Variants in COL4A2 observed in about 807,000 individuals in gnomAD.
COL4A2 encodes the protein collagen alpha-2(IV) chain.
Under a neutral mutation model 200.2 loss-of-function variants are expected in COL4A2, and 99 were observed. The ratio of observed to expected loss-of-function variants is 0.49; its 90% CI spans 0.42 to 0.58. The LOEUF (loss-of-function observed/expected upper bound fraction) is 0.58, where lower values mean the gene tolerates loss of function less well. Among genes scored for constraint, COL4A2 ranks in the 20% least tolerant of loss-of-function variants. The probability of loss-of-function intolerance (pLI) is 0.00; values close to 1 mark genes in which losing one functional copy is unlikely to be tolerated. For synonymous variants in COL4A2, 897 were observed against 900.6 expected, an observed-to-expected ratio of 1.00 and a Z score of 0.07; for missense variants, 1,950 against 2,314.1, an observed-to-expected ratio of 0.84 and a Z score of 3.23.
intron 27 of COL4A2, among the ~76,000 whole-genome samples, 189 bp from the exon 28 acceptor site, chr13:110,469,028 T>G (rs562826107): frequency 6.6e-6 from 1 of 152,308 alleles, no homozygotes; most frequent in African/African-American, 2.4e-5. Context: ...ATGGTTCCAG[T>G]CCGTAAACAG....
chr13:110,395,267 T>C (rs1207423556), intron 4 of COL4A2, among the ~76,000 whole-genome samples: 3 of 152,190 alleles, frequency 2.0e-5, no homozygotes, highest in Non-Finnish European at 4.4e-5. Flanking sequence ...CCTTCAACAT[T>C]AGAACAAGTC....
intron 3 of COL4A2, among the ~76,000 whole-genome samples, chr13:110,312,438 A>G (rs554916053): frequency 6.6e-6 from 1 of 152,370 alleles, no homozygotes; most frequent in South Asian, 2.1e-4. Context: ...ACTGTGTTTA[A>G]TTGTGTTTCT....
chr13:110,427,962 C>T (rs1880530829), intron 6 of COL4A2, among the ~76,000 whole-genome samples: 1 of 152,210 alleles, frequency 6.6e-6, no homozygotes, highest in Non-Finnish European at 1.5e-5. Flanking sequence ...GTGAAACTCA[C>T]TATCTAAAAT....
intron 14 of COL4A2, among the ~76,000 whole-genome samples, chr13:110,438,384 G>A (rs1880981398): frequency 1.3e-5 from 2 of 152,206 alleles, no homozygotes; most frequent in South Asian, 4.1e-4. Context: ...CTCCCTCGCG[G>A]TCGCTTACCA....
intron 3 of COL4A2, among the ~76,000 whole-genome samples, chr13:110,331,966 A>G (rs538961600): frequency 2.3e-4 from 35 of 152,302 alleles, no homozygotes; most frequent in Middle Eastern, 3.4e-3. Context: ...ATGATGTCCA[A>G]TAAGCTGATG....
chr13:110,363,113 C>CA (rs1407469042), intron 4 of COL4A2, among the ~76,000 whole-genome samples: 1 of 152,190 alleles, frequency 6.6e-6, no homozygotes, highest in East Asian at 1.9e-4. Flanking sequence ...GGCCCTGTCA[C>CA]ACGACAACAG....
intron 4 of COL4A2, among the ~76,000 whole-genome samples, chr13:110,400,839 G>A (rs1368713807): frequency 6.6e-6 from 1 of 152,080 alleles, no homozygotes; most frequent in African/African-American, 2.4e-5. Flanking sequence ...GACTACTTTG[G>A]CCAGCCTTCT....
intron 30 of COL4A2, among the ~76,000 whole-genome samples, chr13:110,479,397 G>A (rs1408704278): frequency 6.6e-6 from 1 of 151,576 alleles, no homozygotes; most frequent in Non-Finnish European, 1.5e-5. Context: ...TGGTGCCAGC[G>A]GGGAGAAGGC....
chr13:110,401,580 A>G (rs1002176951), intron 4 of COL4A2, among the ~76,000 whole-genome samples: 1 of 152,244 alleles, frequency 6.6e-6, no homozygotes, highest in African/African-American at 2.4e-5. Flanking sequence ...GCTTGATATC[A>G]TTAGAAACTG....
chr13:110,443,310 A>G (rs973891683), intron 16 of COL4A2, among the ~76,000 whole-genome samples: 6 of 152,228 alleles, frequency 3.9e-5, no homozygotes, highest in African/African-American at 1.4e-4. Flanking sequence ...AAGAACAGAA[A>G]GATAACAGGC....
In COL4A2 at chr13:110,484,919, C is replaced by A; in HGVS notation, c.2917C>A (p.Pro973Thr). The A allele has an allele frequency of 6.2e-6, 10 of 1,611,520 alleles. No individual in the cohort carries two copies. Among genetic ancestry groups the A allele is most frequent in the Non-Finnish European group, 8.5e-6 (10 of 1,178,390 alleles). The change falls in exon 33 of 48, where the codon CCT becomes ACT. Residue 973 changes from proline to threonine, a missense_variant. Coordinates refer to ENST00000360467, the MANE Select transcript of COL4A2 (RefSeq NM_001846.4). ...TTCCCTTCCAGGCAGCCGAGGGGAC[C>A]CTGGGCCCCCAGGACCACCTCCTGT... Reference protein sequence around the residue: ...EPGFKGSRGDPGPPGPPPVIL... With the variant: ...EPGFKGSRGDTGPPGPPPVIL...
intron 4 of COL4A2, among the ~76,000 whole-genome samples, chr13:110,399,540 A>C (rs1879300065): frequency 6.6e-6 from 1 of 152,224 alleles, no homozygotes. Context: ...TCTTTCCCAC[A>C]GAGGACAAAA....
At position 110,504,426 on chromosome 13, in the gene COL4A2, A is replaced by G. The variant is rs4771684; in HGVS notation, c.4402+162A>G. On this transcript the variant is annotated intron_variant, in intron 45 of 47. Coordinates refer to ENST00000360467, the MANE Select transcript of COL4A2 (RefSeq NM_001846.4). ...ATCTGGGCGTAGCAGCTACACTCCTATGCCCAGCAGAACACCTGGCCCCGA... is the reference window on the plus strand; with the variant it reads ...ATCTGGGCGTAGCAGCTACACTCCTGTGCCCAGCAGAACACCTGGCCCCGA... Among the ~76,000 whole-genome samples, 145,677 of 152,238 alleles carry G rather than the reference A, an allele frequency of 0.96. 70,009 individuals are homozygous for G. Among genetic ancestry groups the G allele is most frequent in the East Asian group, 1 (5,153 of 5,154 alleles).
chr13:110,414,531 A>G (rs1879967290), intron 4 of COL4A2, among the ~76,000 whole-genome samples: 1 of 152,168 alleles, frequency 6.6e-6, no homozygotes, highest in Non-Finnish European at 1.5e-5. Flanking sequence ...AGAGGGCCCA[A>G]GTGCCCTGCC....
intron 4 of COL4A2, among the ~76,000 whole-genome samples, chr13:110,398,449 G>A (rs1282634744): frequency 2.6e-5 from 4 of 152,106 alleles, no homozygotes; most frequent in African/African-American, 4.8e-5. Flanking sequence ...AGTTGAGGTC[G>A]GGAGTTCAAG....
intron 4 of COL4A2, among the ~76,000 whole-genome samples, chr13:110,413,710 G>A (rs900896003): frequency 4.6e-5 from 7 of 152,238 alleles, no homozygotes; most frequent in African/African-American, 1.7e-4. Flanking sequence ...AGCTGACACA[G>A]TGGCTTGGGG....
intron 15 of COL4A2, among the ~76,000 whole-genome samples, chr13:110,439,090 G>A (rs919412819): frequency 1.7e-4 from 26 of 152,274 alleles, no homozygotes; most frequent in African/African-American, 5.1e-4. Context: ...CGTAAGGGTC[G>A]GGAAGGGGTC....
At chr13:110,313,401 T>G (rs1452486870) in intron 3 of COL4A2, among the ~76,000 whole-genome samples, 1 of 152,184 alleles carries the variant, frequency 6.6e-6, no homozygotes, top group African/African-American at 2.4e-5. Flanking sequence ...GTCCTGTTGA[T>G]GTGGCCAGAG....
chr13:110,368,845 A>G (rs926269902), intron 4 of COL4A2, among the ~76,000 whole-genome samples: 8 of 14,996 alleles, frequency 5.3e-4, no homozygotes, highest in Admixed American at 9.3e-4. Context: ...AAGGCCAAAG[A>G]AAAGGGGGGG....
Sources: gnomAD v4.1 joint callset for allele counts (sites outside exome capture counted in the v4.1 genomes callset) on GRCh38, gnomAD v4.1.1 for gene constraint, MANE v1.5 for transcripts, NCBI Gene and HGNC (gene_info 2026-07-23, HGNC 2026-07-21) for gene names.